AP4E1: variants seen among roughly 807,000 people sequenced by gnomAD.
AP4E1 encodes the protein adaptor related protein complex 4 subunit epsilon 1.
In AP4E1, 56 loss-of-function variants were observed where a neutral mutation model predicts 128.2. The ratio of observed to expected loss-of-function variants is 0.44; its 90% CI spans 0.35 to 0.55. The LOEUF is 0.55. AP4E1 is among the 20% of genes least tolerant of loss of function. The probability of loss-of-function intolerance (pLI) is 0.00; values close to 1 mark genes in which losing one functional copy is unlikely to be tolerated. For missense variants in AP4E1, 1,324 were observed against 1,307.7 expected, an observed-to-expected ratio of 1.01 and a Z score of -0.19; for synonymous variants, 484 against 473.1, an observed-to-expected ratio of 1.02 and a Z score of -0.30.
At position 51,004,937 on chromosome 15, in the gene AP4E1, G is replaced by A. The variant is rs1334381883; in HGVS notation, c.*2275G>A. 1 of 152,140 alleles carries A rather than the reference G, an allele frequency of 6.6e-6. No homozygotes were observed. The highest frequency in any genetic ancestry group is 1.9e-4 in the East Asian group (1 of 5,196). 9.4% of individuals were successfully genotyped at this position (152,140 alleles called of 1,614,324 possible). On this transcript the variant is annotated 3_prime_UTR_variant, in exon 21 of 21. Transcript: ENST00000261842. ...TCACCCTTGTTGCCCAGGCTAGAGT[G>A]TAATGGTGCAATCTCCGCTCACTGC...
intron 13 of AP4E1, among the ~76,000 whole-genome samples, 190 bp downstream of exon 13, chr15:50,950,359 T>C (rs972714932): frequency 6.6e-6 from 1 of 152,234 alleles, no homozygotes; most frequent in Non-Finnish European, 1.5e-5. Context: ...TTGTTTGGTC[T>C]TTTAAATATA....
At chr15:50,908,432 G>C (rs893012398), upstream of AP4E1, 1 of 206,564 alleles carries the variant, frequency 4.8e-6, no homozygotes, top group Admixed American at 6.0e-5. Flanking sequence ...TAGTGGGAAA[G>C]GGGGACTCTG....
chr15:50,949,897 A>C lies in AP4E1; in HGVS notation c.1388A>C (p.His463Pro). ...TTTTCAGTAGGAGGAGATGTAATGC[A>C]TCCTGATATTCCCAATAACTTTCTG... The part of the protein sequence containing the change: ...AVFSVGGDVM[H>P]PDIPNNFLRL... The change falls in exon 12 of 21, where the codon CAT becomes CCT. Residue 463 changes from histidine to proline, a missense_variant. Coordinates refer to ENST00000261842, the MANE Select transcript of AP4E1 (RefSeq NM_007347.5). 6.2e-7 allele frequency: 1 copy of C among 1,613,796 alleles called. No individual in the cohort carries two copies. Among genetic ancestry groups the C allele is most frequent in the Non-Finnish European group, 8.5e-7 (1 of 1,179,776 alleles).
chr15:50,989,460 G>A (rs1041110699), intron 16 of AP4E1, among the ~76,000 whole-genome samples: 19 of 151,852 alleles, frequency 1.3e-4, no homozygotes, highest in Non-Finnish European at 2.9e-5. Flanking sequence ...TGAATGAAAT[G>A]GCATGAGTTC....
chr15:50,932,179 A>G (rs554514919), intron 7 of AP4E1, among the ~76,000 whole-genome samples: 2 of 152,148 alleles, frequency 1.3e-5, no homozygotes, highest in South Asian at 2.1e-4. Context: ...GGATTTCACC[A>G]TGTTGGCCAG....
Position 50,997,831 on chromosome 15 carries a change from G to T in AP4E1, c.2852G>T (p.Gly951Val). 1 of 1,599,822 alleles carries T rather than the reference G, an allele frequency of 6.3e-7. No individual in the cohort carries two copies. The highest frequency in any genetic ancestry group is 8.5e-7 in the Non-Finnish European group (1 of 1,171,222). Residue 951 changes from glycine (G) to valine (V), a missense_variant, in exon 18 of 21, where the codon GGT becomes GTT. Coordinates refer to ENST00000261842, the MANE Select transcript of AP4E1 (RefSeq NM_007347.5). ...GTCTGGTCAGTCACTAATAAGAGTG[G>T]TTTGGAATTGAAAAGTGCTGACTTA... ...LMVWSVTNKSGLELKSADLEI... is the reference protein window; with the variant it reads ...LMVWSVTNKSVLELKSADLEI...
intron 3 of AP4E1, chr15:50,918,212 C>T (rs1567209241): frequency 6.6e-6 from 1 of 152,156 alleles, no homozygotes; most frequent in Non-Finnish European, 1.5e-5. Flanking sequence ...ACCTTTGTTT[C>T]CCTGGTCTCA....
chr15:50,941,379 A>G (rs2063984519), intron 8 of AP4E1, 63 bp from the exon 9 acceptor site: 2 of 1,559,902 alleles, frequency 1.3e-6, no homozygotes, highest in Non-Finnish European at 1.8e-6. Flanking sequence ...CAAGTTCTAC[A>G]CAAATACATT....
chr15:50,931,057 A>G (rs2063829898), intron 7 of AP4E1, 86 bp downstream of exon 7: 2 of 1,488,438 alleles, frequency 1.3e-6, no homozygotes, highest in Non-Finnish European at 1.9e-6. Context: ...TTAATGATAA[A>G]CCAGATTCTT....
intron 11 of AP4E1, among the ~76,000 whole-genome samples, chr15:50,949,120 T>A (rs1208164276): frequency 6.6e-6 from 1 of 151,888 alleles, no homozygotes; most frequent in African/African-American, 2.4e-5. Context: ...TTAGAACTGA[T>A]GAGGAACAGA....
At chr15:50,923,253 TGGC>T (rs1193955048) in intron 3 of AP4E1, among the ~76,000 whole-genome samples, 5 of 152,256 alleles carry the variant, frequency 3.3e-5, no homozygotes, top group Non-Finnish European at 7.3e-5. Flanking sequence ...TATATGTACA[TGGC>T]ATTTGTTATA....
At chr15:50,968,197 T>C in intron 14 of AP4E1, 66 bp from the exon 15 acceptor site, 8 of 1,039,472 alleles carry the variant, frequency 7.7e-6, no homozygotes, top group Non-Finnish European at 1.2e-5. Flanking sequence ...AAATTATTTA[T>C]GTGACTATAT....
At chr15:50,916,411 AG>A (rs1440045113) in intron 3 of AP4E1, among the ~76,000 whole-genome samples, 1 of 152,222 alleles carries the variant, frequency 6.6e-6, no homozygotes, top group East Asian at 1.9e-4. Flanking sequence ...GTCAACCTTT[AG>A]GGCTGTTAGG....
rs773502598 is a variant in AP4E1 at position 50,908,732 on chromosome 15, C to T, written c.-47C>T. ...AGCGGCGGCCGGGCATGAAGCCGGG[C>T]GGCTACGGGATCGCGGGCGGCGGCG... On this transcript the variant is annotated 5_prime_UTR_variant, in exon 1 of 21. Coordinates refer to ENST00000261842, the MANE Select transcript of AP4E1 (RefSeq NM_007347.5). 54 of 1,479,558 alleles carry T rather than the reference C, an allele frequency of 3.6e-5. No individual in the cohort carries two copies. The highest frequency in any genetic ancestry group is 4.4e-5 in the Non-Finnish European group (49 of 1,116,166). The allele number at this position is 1,479,558 out of a possible 1,614,324, so 91.7% of individuals were successfully genotyped here.
intron 11 of AP4E1, among the ~76,000 whole-genome samples, chr15:50,948,841 G>T (rs569033284): frequency 6.6e-6 from 1 of 151,568 alleles, no homozygotes; most frequent in Non-Finnish European, 1.5e-5. Context: ...GCATGGTGGC[G>T]CATGCCTGTA....
At chr15:50,991,462 G>T (rs2064805855) in intron 16 of AP4E1, among the ~76,000 whole-genome samples, 1 of 152,106 alleles carries the variant, frequency 6.6e-6, no homozygotes. Flanking sequence ...AATGGTAGGA[G>T]TTATTTTAGT....
chr15:50,984,458 TC>T (rs2064688448), intron 16 of AP4E1, among the ~76,000 whole-genome samples: 2 of 102,196 alleles, frequency 2.0e-5, no homozygotes, highest in Admixed American at 1.1e-4. Flanking sequence ...CCCTTCCCCC[TC>T]CCCCCACCCC....
chr15:51,001,974 G>T (rs2064969318), intron 20 of AP4E1, among the ~76,000 whole-genome samples: 2 of 152,138 alleles, frequency 1.3e-5, no homozygotes, highest in Non-Finnish European at 2.9e-5. Flanking sequence ...CACCTTCCGT[G>T]TTCAAGCTAT....
At chr15:50,933,612 A>T (rs991719937) in intron 7 of AP4E1, among the ~76,000 whole-genome samples, 1 of 152,096 alleles carries the variant, frequency 6.6e-6, no homozygotes, top group Non-Finnish European at 1.5e-5. Flanking sequence ...TGTCTGCTGT[A>T]TGGTTATCTT....
Sources: allele counts gnomAD v4.1 joint callset (sites outside exome capture counted in the v4.1 genomes callset), GRCh38; gene constraint gnomAD v4.1.1; transcripts MANE v1.5; gene names NCBI Gene and HGNC (gene_info 2026-07-23, HGNC 2026-07-21).